PPM1E: variants seen among roughly 807,000 people sequenced by gnomAD.
PPM1E encodes the protein protein phosphatase 1E.
A neutral mutation model predicts 65.9 loss-of-function variants in PPM1E; 20 were observed. That is an observed-to-expected ratio of 0.30 (90% CI 0.21 to 0.44). The LOEUF (loss-of-function observed/expected upper bound fraction) is 0.44, where lower values mean the gene tolerates loss of function less well. Among genes scored for constraint, PPM1E ranks in the 20% least tolerant of loss-of-function variants. The probability of loss-of-function intolerance (pLI) is 1.00; values close to 1 mark genes in which losing one functional copy is unlikely to be tolerated. For synonymous variants in PPM1E, 352 were observed against 374.9 expected, an observed-to-expected ratio of 0.94 and a Z score of 0.70; for missense variants, 713 against 953.1, an observed-to-expected ratio of 0.75 and a Z score of 3.32.
At chr17:58,973,578 G>T (rs1397527597) in intron 6 of PPM1E, among the ~76,000 whole-genome samples, 1 of 151,996 alleles carries the variant, frequency 6.6e-6, no homozygotes, top group Non-Finnish European at 1.5e-5. Context: ...ACTTTGGGAG[G>T]CTGAAGAGGG....
At chr17:58,881,030 A>G (rs1052810862) in intron 1 of PPM1E, among the ~76,000 whole-genome samples, 2 of 152,196 alleles carry the variant, frequency 1.3e-5, no homozygotes, top group African/African-American at 4.8e-5. Flanking sequence ...AATGTTACGC[A>G]GCAAGTAAAG....
intron 2 of PPM1E, among the ~76,000 whole-genome samples, chr17:58,963,136 G>A (rs1191695771): frequency 6.6e-6 from 1 of 152,088 alleles, no homozygotes; most frequent in Admixed American, 6.6e-5. Flanking sequence ...TGTAATCCCA[G>A]CACTCTGGGA....
chr17:58,898,674 AT>A (rs1327210669), intron 1 of PPM1E, among the ~76,000 whole-genome samples: 1 of 152,198 alleles, frequency 6.6e-6, no homozygotes, highest in African/African-American at 2.4e-5. Context: ...TACCCAAAGG[AT>A]TATAAATCAT....
At chr17:58,846,396 A>G (rs1306931213) in intron 1 of PPM1E, among the ~76,000 whole-genome samples, 1 of 152,064 alleles carries the variant, frequency 6.6e-6, no homozygotes, top group Non-Finnish European at 1.5e-5. Flanking sequence ...CATTAGGTAT[A>G]TCTCCTAATG....
At chr17:58,810,491 C>T (rs1255302354) in intron 1 of PPM1E, among the ~76,000 whole-genome samples, 1 of 152,156 alleles carries the variant, frequency 6.6e-6, no homozygotes, top group Non-Finnish European at 1.5e-5. Context: ...AGGCATGAGC[C>T]ACTGCGCCCG....
At chr17:58,967,521 G>T (rs7502806) in intron 3 of PPM1E, among the ~76,000 whole-genome samples, 37,490 of 138,128 alleles carry the variant, frequency 0.27, 4,716 homozygotes, top group East Asian at 0.38. Context: ...TATATATATA[G>T]AGAGAGAGAG....
At chr17:58,874,131 A>G (rs1421288147) in intron 1 of PPM1E, among the ~76,000 whole-genome samples, 1 of 152,194 alleles carries the variant, frequency 6.6e-6, no homozygotes, top group African/African-American at 2.4e-5. Flanking sequence ...AAGGCCAGCT[A>G]TCTAAAAGCA....
intron 1 of PPM1E, among the ~76,000 whole-genome samples, chr17:58,801,121 GAA>G (rs2050254094): frequency 1.3e-5 from 2 of 152,090 alleles, no homozygotes; most frequent in Admixed American, 1.3e-4. Flanking sequence ...CACTTGGAAA[GAA>G]AGTGTATTCT....
At chr17:58,849,167 C>A (rs1033793801) in intron 1 of PPM1E, among the ~76,000 whole-genome samples, 1 of 151,888 alleles carries the variant, frequency 6.6e-6, no homozygotes, top group Non-Finnish European at 1.5e-5. Flanking sequence ...TCTCTCTTTT[C>A]TTCATTAGTC....
In PPM1E at chr17:58,915,842, G is replaced by A. The variant is rs117744508; in HGVS notation, c.465-39807G>A. 9.1e-3 allele frequency among the ~76,000 whole-genome samples: 1,387 copies of A among 152,246 alleles called. 9 individuals are homozygous for A. Among genetic ancestry groups the A allele is most frequent in the Middle Eastern group, 0.014 (4 of 294 alleles). ...GGAATTAATGCTGAATTAGTAGATA[G>A]AAAATTTGTGTTCTAGGTCCCACCC... On this transcript the variant is annotated intron_variant, in intron 1 of 6. Coordinates refer to ENST00000308249, the MANE Select transcript of PPM1E (RefSeq NM_014906.5).
intron 1 of PPM1E, among the ~76,000 whole-genome samples, chr17:58,935,193 G>C (rs2051962137): frequency 6.6e-6 from 1 of 150,524 alleles, no homozygotes; most frequent in Admixed American, 6.6e-5. Flanking sequence ...GGAGGTTGCA[G>C]TGAGCTGAGA....
intron 6 of PPM1E, among the ~76,000 whole-genome samples, chr17:58,978,583 C>G (rs943335560): frequency 1.3e-5 from 2 of 152,012 alleles, no homozygotes; most frequent in African/African-American, 2.4e-5. Flanking sequence ...TGGTGGCGTA[C>G]GCCTGTAATC....
At chr17:58,969,869 T>C in intron 4 of PPM1E, 142 bp downstream of exon 4, 1 of 793,266 alleles carries the variant, frequency 1.3e-6, no homozygotes, top group Non-Finnish European at 2.0e-6. Flanking sequence ...TATTGGATTC[T>C]GTTGTAGTTC....
In PPM1E at chr17:58,797,635, G is replaced by A. The variant is rs1439313578; in HGVS notation, c.464+41174G>A. The stretch of plus-strand genomic sequence containing the variant: ...TCTCCTGTTGATGGACATCTGAGCG[G>A]TTTCCATTTTTTTGGCTACTATTAA... On this transcript the variant is annotated intron_variant, in intron 1 of 6. Coordinates refer to ENST00000308249, the MANE Select transcript of PPM1E (RefSeq NM_014906.5). Among the ~76,000 whole-genome samples the A allele has an allele frequency of 1.3e-5, 2 of 152,104 alleles. 1 individual carries two copies.
intron 3 of PPM1E, among the ~76,000 whole-genome samples, chr17:58,969,301 T>G (rs2030448564): frequency 6.6e-6 from 1 of 152,180 alleles, no homozygotes; most frequent in Admixed American, 6.5e-5. Context: ...GCACTTCAGC[T>G]TGAGCTAATT....
At chr17:58,889,896 T>C (rs1374242681) in intron 1 of PPM1E, among the ~76,000 whole-genome samples, 1 of 152,246 alleles carries the variant, frequency 6.6e-6, no homozygotes, top group Non-Finnish European at 1.5e-5. Flanking sequence ...AGTTGATTAT[T>C]CATTACTTAT....
At position 58,809,523 on chromosome 17, in the gene PPM1E, A is replaced by G. The variant is rs190964782; in HGVS notation, c.464+53062A>G. Among the ~76,000 whole-genome samples, 17 of 152,270 alleles carry G rather than the reference A, an allele frequency of 1.1e-4. 1 individual carries two copies. Among genetic ancestry groups the G allele is most frequent in the Admixed American group, 6.5e-5 (1 of 15,290 alleles). On this transcript the variant is annotated intron_variant, in intron 1 of 6. Coordinates refer to ENST00000308249, the MANE Select transcript of PPM1E (RefSeq NM_014906.5). ...TCAGCCTCCCAAGGTAGCTAAGACT[A>G]TAGACATGCTCCACAAGGCTGGGCT...
At chr17:58,926,862 A>G (rs1472666104) in intron 1 of PPM1E, among the ~76,000 whole-genome samples, 1 of 152,152 alleles carries the variant, frequency 6.6e-6, no homozygotes, top group Non-Finnish European at 1.5e-5. Flanking sequence ...AACTGAATGG[A>G]CTATAATATG....
chr17:58,814,313 GAGA>G (rs1428930686), intron 1 of PPM1E, among the ~76,000 whole-genome samples: 1 of 152,118 alleles, frequency 6.6e-6, no homozygotes, highest in Non-Finnish European at 1.5e-5. Flanking sequence ...AAGGATAAAG[GAGA>G]ACATAAGGTC....
Sources: gnomAD v4.1 joint callset for allele counts (sites outside exome capture counted in the v4.1 genomes callset) on GRCh38, gnomAD v4.1.1 for gene constraint, MANE v1.5 for transcripts, NCBI Gene and HGNC (gene_info 2026-07-23, HGNC 2026-07-21) for gene names.